The following ADGRA2 variants were observed in gnomAD, a reference collection of about 807,000 sequenced individuals.
ADGRA2 encodes the protein G-protein coupled receptor 124.
Under a neutral mutation model 98.7 loss-of-function variants are expected in ADGRA2, and 61 were observed. That is an observed-to-expected ratio of 0.62 (90% CI 0.50 to 0.76). The LOEUF (loss-of-function observed/expected upper bound fraction) is 0.76. Ranked by LOEUF, ADGRA2 falls within the 30% of genes least tolerant of loss-of-function variation. The pLI, the probability that ADGRA2 is intolerant of heterozygous loss-of-function variation, is 0.00. For missense variants in ADGRA2, 1,712 were observed against 1,860.0 expected (o/e 0.92, Z 1.46); for synonymous variants, 858 against 831.5 (o/e 1.03, Z -0.55).
At chr8:37,828,481 CTTTTTTT>C (rs35779657) in intron 2 of ADGRA2, among the ~76,000 whole-genome samples, 4 of 82,986 alleles carry the variant, frequency 4.8e-5, no homozygotes, top group South Asian at 4.7e-4. Context: ...GGGGGTGGTT[CTTTTTTT>C]TTTTTTTTTT....
chr8:37,805,761 C>T (rs537180887), intron 1 of ADGRA2, among the ~76,000 whole-genome samples: 1 of 152,170 alleles, frequency 6.6e-6, no homozygotes, highest in Admixed American at 6.6e-5. Flanking sequence ...CCCAGCTACT[C>T]ATGAGGCTGA....
chr8:37,841,600 T>C lies in ADGRA2; in HGVS notation c.3262T>C (p.Ser1088Pro). 1 of 1,570,910 alleles carries C rather than the reference T, an allele frequency of 6.4e-7. No individual in the cohort carries two copies. The highest frequency in any genetic ancestry group is 2.3e-5 in the East Asian group (1 of 43,312). The change falls in exon 19 of 19, where the codon TCT becomes CCT. Residue 1088 changes from serine to proline, a missense_variant. Physicochemically the swap from Ser to Pro is moderately conservative, Grantham distance 74. Coordinates refer to ENST00000412232, the MANE Select transcript of ADGRA2 (RefSeq NM_032777.10). This position sits in a 1 kb window ranked among gnomAD's most constrained non-coding sequence, Gnocchi z 5.0. ...GTGGCGCGCCTGCTGCCCCCCTGCC[T>C]CTCCCGCGGCCCCCCATGCCCCGCC... ...ASWRACCPPA[S>P]PAAPHAPPRA...
chr8:37,819,373 C>T (rs7014076), intron 2 of ADGRA2, among the ~76,000 whole-genome samples: 54,091 of 151,802 alleles, frequency 0.36, 11,852 homozygotes, highest in African/African-American at 0.62. Context: ...CAAATACTTA[C>T]TATTATTATT....
chr8:37,838,822 T>G, intron 14 of ADGRA2, 134 bp from the exon 15 acceptor site: 1 of 1,086,404 alleles, frequency 9.2e-7, no homozygotes, highest in Non-Finnish European at 1.3e-6. Context: ...AGCCCGAAGC[T>G]TTCCTCCCTG....
At position 37,844,424 on chromosome 8, in the gene ADGRA2, C is replaced by A; in HGVS notation, c.*2069C>A. On this transcript the variant is annotated 3_prime_UTR_variant, in exon 19 of 19. Transcript: ENST00000412232. ...CCTACGGACTGGTGTACACTTCCAT[C>A]CTTGGTTATAACAGGAATGTTATCA... 2 of 1,569,496 alleles carry A rather than the reference C, an allele frequency of 1.3e-6. No individual in the cohort carries two copies. Among genetic ancestry groups the A allele is most frequent in the South Asian group, 2.4e-5 (2 of 83,944 alleles).
Position 37,829,866 on chromosome 8 carries a change from G to C in ADGRA2, c.570G>C (p.Glu190Asp), listed in dbSNP as rs1255384706. Reference protein sequence around the residue: ...PALKVVDLGTEFLTCDCHLRW... With the variant: ...PALKVVDLGTDFLTCDCHLRW... ...CACCCTGCAGGGACTTGGGCACCGA[G>C]TTCCTGACCTGTGACTGCCACCTGC... Residue 190 changes from glutamate (E) to aspartate (D), a missense_variant, in exon 6 of 19, where the codon GAG (glutamate) becomes GAC (aspartate). Physicochemically the swap from Glu to Asp is conservative, Grantham distance 45. Coordinates refer to ENST00000412232, the MANE Select transcript of ADGRA2 (RefSeq NM_032777.10). 18 of 1,612,244 alleles carry C rather than the reference G, an allele frequency of 1.1e-5. No homozygotes were observed. In the Admixed American group the frequency reaches 3.0e-4, roughly 27 times the overall value.
intron 17 of ADGRA2, 77 bp downstream of exon 17, chr8:37,840,343 A>G: frequency 6.7e-7 from 1 of 1,498,230 alleles, no homozygotes; most frequent in Non-Finnish European, 9.2e-7. Context: ...AAGGTGGGTG[A>G]AGGGTGAGTC....
rs761663561 is a variant in ADGRA2, at chr8:37,833,007, C to T, written c.1098-3C>T. 1.1e-5 allele frequency: 17 copies of T among 1,610,454 alleles called. No individual in the cohort carries two copies. The highest frequency in any genetic ancestry group is 7.7e-5 in the South Asian group (7 of 90,926). ...ATCGGCAACTTCCTGCCTCTCCCCC[C>T]AGGTGGCCCCGAACTCTGGCTGGCA... On this transcript the variant is annotated splice_region_variant and splice_polypyrimidine_tract_variant and intron_variant, in intron 8 of 18. Transcript: ENST00000412232.
intron 16 of ADGRA2, among the ~76,000 whole-genome samples, 176 bp from the exon 17 acceptor site, chr8:37,839,945 G>A (rs1175924660): frequency 6.6e-6 from 1 of 152,170 alleles, no homozygotes; most frequent in Non-Finnish European, 1.5e-5. Flanking sequence ...CTGGGGTGAA[G>A]GCAGAGGGTG....
At chr8:37,840,392 G>A (rs1360412639) in intron 17 of ADGRA2, 126 bp downstream of exon 17, 2 of 989,328 alleles carry the variant, frequency 2.0e-6, no homozygotes, top group Non-Finnish European at 3.1e-6. Context: ...GACGGGGGAG[G>A]CTAGGCCCTA....
chr8:37,840,829 C>T lies in ADGRA2; in HGVS notation c.2727C>T (p.Asn909=), dbSNP rs773686430. 8.7e-6 allele frequency: 14 copies of T among 1,604,250 alleles called. No individual in the cohort carries two copies. Among genetic ancestry groups the T allele is most frequent in the African/African-American group, 1.3e-5 (1 of 74,682 alleles). The part of the protein sequence containing the change: ...CGITAAVNIH[N]YRDHSPYCWL... ...TCACAGCTGCAGTCAACATCCACAA[C>T]TACCGGGACCACAGCCCCTAGTGAG... Residue 909 remains asparagine (N), a synonymous_variant, in exon 18 of 19, where the codon AAC becomes AAT. Coordinates refer to ENST00000412232, the MANE Select transcript of ADGRA2 (RefSeq NM_032777.10).
chr8:37,825,349 T>C (rs1378149562), intron 2 of ADGRA2, among the ~76,000 whole-genome samples: 1 of 151,964 alleles, frequency 6.6e-6, no homozygotes, highest in Admixed American at 6.6e-5. Context: ...GTTCAGGTGA[T>C]TCTCCTGCCT....
In ADGRA2 at chr8:37,840,790, C is replaced by T. The variant is rs534668249; in HGVS notation, c.2688C>T (p.Leu896=). The T allele has an allele frequency of 1.2e-6, 2 of 1,607,402 alleles. No homozygotes were observed. The highest frequency in any genetic ancestry group is 2.2e-5 in the East Asian group (1 of 44,856). The change falls in exon 18 of 19, where the codon CTC becomes CTT. Residue 896 remains leucine (L), a synonymous_variant. Transcript: ENST00000412232. The part of the protein sequence containing the change: ...RFYLIAGGIP[L]IICGITAAVN... The stretch of plus-strand genomic sequence containing the variant: ...ATTTGATCGCTGGAGGGATTCCACT[C>T]ATTATCTGTGGCATCACAGCTGCAG...
At chr8:37,826,869 G>A (rs73673889) in intron 2 of ADGRA2, among the ~76,000 whole-genome samples, 3,462 of 150,126 alleles carry the variant, frequency 0.023, 163 homozygotes, top group African/African-American at 0.083. Flanking sequence ...GGGTGGCAGG[G>A]CCAAGAGTCC....
rs770540177 is a variant in ADGRA2 at position 37,838,981 on chromosome 8, TG to T, written c.2291del (p.Gly764AlafsTer46). On this transcript the variant is annotated frameshift_variant, in exon 15 of 19. Coordinates refer to ENST00000412232, the MANE Select transcript of ADGRA2 (RefSeq NM_032777.10). LOFTEE classifies it high-confidence loss of function. ...GAGCTGAGCGCCTTTCCCAGGGAGG[TG>T]GGGGGCGCCGGGGCAGGGCTGCACC... Reference protein sequence around the residue: ...LMELSAFPREVGGAGAGLHPV... With the variant: ...LMELSAFPREXGGAGAGLHPV... The T allele has an allele frequency of 3.2e-6, 5 of 1,575,320 alleles. No homozygotes were observed. Among genetic ancestry groups the T allele is most frequent in the South Asian group, 1.2e-5 (1 of 84,668 alleles).
At position 37,834,015 on chromosome 8, in the gene ADGRA2, G is replaced by A. The variant is rs766211508; in HGVS notation, c.1495G>A (p.Glu499Lys). The A allele has an allele frequency of 2.1e-5, 34 of 1,613,036 alleles. No homozygotes were observed. Among genetic ancestry groups the A allele is most frequent in the East Asian group, 2.2e-5 (1 of 44,884 alleles). The change falls in exon 11 of 19, where the codon GAG becomes AAG. Residue 499 changes from glutamate to lysine, a missense_variant. Physicochemically the swap from Glu to Lys is moderately conservative, Grantham distance 56. Coordinates refer to ENST00000412232, the MANE Select transcript of ADGRA2 (RefSeq NM_032777.10). The surrounding 1 kb of genome is among the most constrained non-coding windows in gnomAD (Gnocchi z 4.2). ...GGCCAGCAACCTGATGCTGGTGGAC[G>A]AGCACCTGCTGTGGCTGGCCCAGCG... ...DMASNLMLVD[E>K]HLLWLAQRED...
intron 2 of ADGRA2, among the ~76,000 whole-genome samples, chr8:37,819,261 A>C (rs566336817): frequency 6.6e-6 from 1 of 152,314 alleles, no homozygotes; most frequent in East Asian, 1.9e-4. Flanking sequence ...ATCTGGGCAG[A>C]AGGGTGTGCC....
In ADGRA2 at chr8:37,804,100, G is replaced by GACACACACACACACACACAC. The variant is rs60565183; in HGVS notation, c.266+6599_266+6618dup. 6.7e-3 allele frequency among the ~76,000 whole-genome samples: 719 copies of GACACACACACACACACACAC among 107,104 alleles called. 34 individuals are homozygous for GACACACACACACACACACAC. The highest frequency in any genetic ancestry group is 0.023 in the East Asian group (62 of 2,740). The allele number at this position is 107,104 out of a possible 152,430, so 70.3% of individuals were successfully genotyped here. A position where few individuals can be genotyped will look rare whatever the true frequency, so the allele number is the denominator to read the frequency against. On this transcript the variant is annotated intron_variant, in intron 1 of 18. Transcript: ENST00000412232. ...GGAGGGGCCAGCCTGCCCACGGTGAGACACACACACACACACACACACACA... is the reference window on the plus strand; with the variant it reads ...GGAGGGGCCAGCCTGCCCACGGTGAGACACACACACACACACACACACACACACACACACACACACACACA...
At position 37,841,345 on chromosome 8, in the gene ADGRA2, C is replaced by A. The variant is rs768832473; in HGVS notation, c.3007C>A (p.Pro1003Thr). ...LATGSARVGTPGPPEDGDSLY... is the reference protein window; with the variant it reads ...LATGSARVGTTGPPEDGDSLY... ...TACTGGGAGCGCGCGAGTGGGGACG[C>A]CCGGGCCCCCGGAGGATGGTGACAG... The change falls in exon 19 of 19, where the codon CCC becomes ACC. Residue 1003 changes from proline to threonine, a missense_variant. Coordinates refer to ENST00000412232, the MANE Select transcript of ADGRA2 (RefSeq NM_032777.10). The surrounding 1 kb of genome is among the most constrained non-coding windows in gnomAD (Gnocchi z 5.0). The A allele has an allele frequency of 1.9e-6, 3 of 1,605,344 alleles. No homozygotes were observed. The highest frequency in any genetic ancestry group is 2.6e-6 in the Non-Finnish European group (3 of 1,176,344).
Sources: allele counts gnomAD v4.1 joint callset (sites outside exome capture counted in the v4.1 genomes callset), GRCh38; gene constraint gnomAD v4.1.1; non-coding constraint Gnocchi (gnomAD v3.1); transcripts MANE v1.5; gene names NCBI Gene and HGNC (gene_info 2026-07-23, HGNC 2026-07-21).